The following MYO15B variants were observed in gnomAD, a reference collection of about 807,000 sequenced individuals.
MYO15B encodes myosin XVB.
A neutral mutation model predicts 119.3 loss-of-function variants in MYO15B; 207 were observed. The ratio of observed to expected loss-of-function variants is 1.73; its 90% CI spans 1.55 to 1.95. MYO15B has a LOEUF of 1.95. MYO15B is among the 30% of genes most tolerant of loss of function. The probability of loss-of-function intolerance (pLI) is 0.00; values close to 1 mark genes in which losing one functional copy is unlikely to be tolerated. For missense variants in MYO15B, 2,264 were observed against 1,203.1 expected (o/e 1.88, Z -13.04); for synonymous variants, 966 against 498.9 (o/e 1.94, Z -12.48).
chr17:75,611,968 A>G, exon 25 of MYO15B: 1 of 702,954 alleles, frequency 1.4e-6, no homozygotes, highest in Non-Finnish European at 2.6e-6. Flanking sequence ...CTCTCCCAGC[A>G]GACATTGACC....
chr17:75,613,814 G>A, intron 29 of MYO15B, 37 bp downstream of exon 29: 1 of 687,508 alleles, frequency 1.5e-6, no homozygotes, highest in South Asian at 1.5e-5. Flanking sequence ...TGTGGCCAAA[G>A]TGACCCTTGT....
At chr17:75,616,757 C>A in exon 39 of MYO15B, 1 of 703,022 alleles carries the variant, frequency 1.4e-6, no homozygotes, top group Non-Finnish European at 2.6e-6. Context: ...CCGCCCGGGC[C>A]CCGTGCCTGT....
intron 27 of MYO15B, 26 bp from the exon 28 acceptor site, chr17:75,613,267 C>T (rs1481919508): frequency 3.0e-6 from 2 of 670,078 alleles, no homozygotes; most frequent in African/African-American, 3.5e-5. Flanking sequence ...ACCCTGCCTC[C>T]ACTGCAGCCT....
At position 75,591,428 on chromosome 17, in the gene MYO15B, G is replaced by A. The variant is rs1431085619; in HGVS notation, c.2436-173G>A. On this transcript the variant is annotated intron_variant, in intron 4 of 63. Transcript: ENST00000645453. ...TGAGCCCCTGGAATGTGGCATCTTGGGGACTTTTTCTTTTCTGTCGGGTCT... is the reference window on the plus strand; with the variant it reads ...TGAGCCCCTGGAATGTGGCATCTTGAGGACTTTTTCTTTTCTGTCGGGTCT... 6.5e-6 allele frequency: 4 copies of A among 617,638 alleles called. No individual in the cohort carries two copies. In the African/African-American group the frequency reaches 7.4e-5, roughly 11 times the overall value. The allele number at this position is 617,638 out of a possible 1,614,324, so 38.3% of individuals were successfully genotyped here. A position where few individuals can be genotyped will look rare whatever the true frequency, so the allele number is the denominator to read the frequency against.
At position 75,589,378 on chromosome 17, in the gene MYO15B, G is replaced by A. The variant is rs2056283681; in HGVS notation, c.1321G>A (p.Gly441Ser). The A allele has an allele frequency of 1.6e-5, 6 of 382,540 alleles. No individual in the cohort carries two copies. Among genetic ancestry groups the A allele is most frequent in the Non-Finnish European group, 2.7e-5 (6 of 220,350 alleles). The allele number at this position is 382,540 out of a possible 1,614,324, so 23.7% of individuals were successfully genotyped here. ...GCGGGGCCACGAGCGAGGGGACGAG[G>A]GTCGGGGCCGCGGGAAAGCGGACGA... Residue 441 changes from glycine (G) to serine (S), a missense_variant, in exon 1 of 64, where the codon GGT becomes AGT. Gly to Ser is a moderately conservative substitution (Grantham distance 56). Coordinates refer to ENST00000645453, the Ensembl canonical transcript of MYO15B. This position sits in a 1 kb window ranked among gnomAD's most constrained non-coding sequence, Gnocchi z 4.2.
chr17:75,588,977 CG>C lies in MYO15B; in HGVS notation c.922del (p.Val308TrpfsTer61). ...GCTCCGCGCCACCAGGTCGGAAAGG[CG>C]GTGGGGCAGGTGCCAGCGGCGGCAG... On this transcript the variant is annotated frameshift_variant, in exon 1 of 64. Transcript: ENST00000645453. LOFTEE classifies it high-confidence loss of function. The C allele has an allele frequency of 2.5e-6, 1 of 398,124 alleles. No individual in the cohort carries two copies. Among genetic ancestry groups the C allele is most frequent in the East Asian group, 3.6e-5 (1 of 28,048 alleles). The allele number at this position is 398,124 out of a possible 1,614,324, so 24.7% of individuals were successfully genotyped here. A position where few individuals can be genotyped will look rare whatever the true frequency, so the allele number is the denominator to read the frequency against.
rs1376625452 is a variant in MYO15B at position 75,625,674 on chromosome 17, T to G, written c.8938+14T>G. 8.5e-6 allele frequency: 6 copies of G among 702,704 alleles called. No individual in the cohort carries two copies. Among genetic ancestry groups the G allele is most frequent in the African/African-American group, 1.7e-5 (1 of 57,230 alleles). 43.5% of individuals were successfully genotyped at this position (702,704 alleles called of 1,614,324 possible). A position where few individuals can be genotyped will look rare whatever the true frequency, so the allele number is the denominator to read the frequency against. ...TCAGCTTCATTGGTGGGTCTGGGAC[T>G]AGGGGACCGCTGGGTGGGGGCTGGA... On this transcript the variant is annotated intron_variant, in intron 61 of 63. Transcript: ENST00000645453.
chr17:75,613,645 T>A, intron 28 of MYO15B, 60 bp from the exon 29 acceptor site: 1 of 690,186 alleles, frequency 1.4e-6, no homozygotes, highest in Non-Finnish European at 2.6e-6. Context: ...AGCAGCCCCT[T>A]CCTGTCAGGG....
chr17:75,609,485 A>ATTTTTT (rs749247022), intron 21 of MYO15B, among the ~76,000 whole-genome samples: 17 of 77,996 alleles, frequency 2.2e-4, no homozygotes, highest in South Asian at 4.7e-4. Context: ...AAGGGAAATG[A>ATTTTTT]TTTTTTTTTT....
intron 26 of MYO15B, 23 bp downstream of exon 26, chr17:75,612,916 G>A (rs2058116577): frequency 2.9e-6 from 2 of 698,132 alleles, no homozygotes; most frequent in Non-Finnish European, 5.2e-6. Flanking sequence ...TTGGAGAAGG[G>A]ACAGGATAGG....
Position 75,619,868 on chromosome 17 carries a change from T to C in MYO15B, c.7302-11T>C, listed in dbSNP as rs777353603. On this transcript the variant is annotated splice_polypyrimidine_tract_variant and intron_variant, in intron 46 of 63. Transcript: ENST00000645453. Reference sequence around the variant, plus strand: ...CAAGGTGACCTCAGTTCATGCCCGATCCCTGCGCAGCTTTGCGGAGGTGCT... The same window carrying C: ...CAAGGTGACCTCAGTTCATGCCCGACCCCTGCGCAGCTTTGCGGAGGTGCT... The C allele has an allele frequency of 1.0e-4, 73 of 702,132 alleles. No homozygotes were observed. The highest frequency in any genetic ancestry group is 1.8e-4 in the Non-Finnish European group (68 of 384,544). The allele number at this position is 702,132 out of a possible 1,614,324, so 43.5% of individuals were successfully genotyped here.
intron 23 of MYO15B, 40 bp from the exon 24 acceptor site, chr17:75,611,561 C>T (rs1361175399): frequency 4.3e-6 from 3 of 702,182 alleles, no homozygotes; most frequent in Non-Finnish European, 7.8e-6. Context: ...GTCCCTAGGC[C>T]CCTCCTGTGG....
exon 8 of MYO15B, chr17:75,592,528 A>C (rs1201411451): frequency 1.6e-6 from 1 of 606,610 alleles, no homozygotes; most frequent in Non-Finnish European, 2.9e-6. Flanking sequence ...GAGACTTACT[A>C]CTACCTCAAC....
exon 14 of MYO15B, chr17:75,596,860 C>T (rs766861812): frequency 3.1e-5 from 22 of 702,944 alleles, no homozygotes; most frequent in Non-Finnish European, 4.9e-5. Flanking sequence ...AGCCCCACAG[C>T]CTCCTGAGTA....
intron 14 of MYO15B, among the ~76,000 whole-genome samples, chr17:75,600,215 G>A (rs1598757409): frequency 6.6e-6 from 1 of 151,768 alleles, no homozygotes; most frequent in African/African-American, 2.4e-5. Context: ...TTTTAGTAAA[G>A]ACGGGGTTTC....
intron 43 of MYO15B, among the ~76,000 whole-genome samples, chr17:75,618,483 T>C (rs1325302263): frequency 1.3e-5 from 2 of 152,184 alleles, no homozygotes; most frequent in Admixed American, 6.5e-5. Context: ...TGAAACTCCA[T>C]GTCTATTAAA....
chr17:75,599,780 A>G (rs1429873590), intron 14 of MYO15B, among the ~76,000 whole-genome samples: 2 of 150,342 alleles, frequency 1.3e-5, no homozygotes, highest in African/African-American at 4.9e-5. Context: ...CTGTAGTCCC[A>G]GCTACTCGGG....
chr17:75,588,314 C>T (rs996530549), exon 1 of MYO15B: 8 of 398,252 alleles, frequency 2.0e-5, no homozygotes, highest in Admixed American at 4.4e-5. Flanking sequence ...GGGCTGTCCC[C>T]GAAAGCCCAG....
chr17:75,607,401 AT>A, intron 21 of MYO15B, among the ~76,000 whole-genome samples: 1 of 150,598 alleles, frequency 6.6e-6, no homozygotes, highest in East Asian at 1.9e-4. Flanking sequence ...TCAGAAATTC[AT>A]TCAGTTCCAG....
Sources: gnomAD v4.1 joint callset for allele counts (sites outside exome capture counted in the v4.1 genomes callset) on GRCh38, gnomAD v4.1.1 for gene constraint, Gnocchi (gnomAD v3.1) non-coding constraint, MANE v1.5 for transcripts, NCBI Gene and HGNC (gene_info 2026-07-23, HGNC 2026-07-21) for gene names.